Variants in MYH10 observed in about 807,000 individuals in gnomAD.
MYH10 encodes the protein myosin-10.
MYH10 carries 55 observed loss-of-function variants against 257.8 expected under a neutral mutation model. That is an observed-to-expected ratio of 0.21 (90% CI 0.17 to 0.27). The LOEUF is 0.27. MYH10 is among the 10% of genes least tolerant of loss of function. MYH10 has a pLI of 1.00. For missense variants in MYH10, 1,631 were observed against 2,500.6 expected (o/e 0.65, Z 7.42); for synonymous variants, 854 against 921.7 (o/e 0.93, Z 1.33).
chr17:8,586,312 T>C (rs1454163466), intron 4 of MYH10, among the ~76,000 whole-genome samples: 1 of 152,230 alleles, frequency 6.6e-6, no homozygotes, highest in Non-Finnish European at 1.5e-5. Flanking sequence ...TCTGTTAATC[T>C]GTCTATTGTC....
Position 8,627,677 on chromosome 17 carries a change from ATACTGGTG to A in MYH10, c.-32+2969_-32+2976del, listed in dbSNP as rs1393624299. Among the ~76,000 whole-genome samples, 3 of 152,242 alleles carry A rather than the reference ATACTGGTG, an allele frequency of 2.0e-5. No individual in the cohort carries two copies. The East Asian group carries it at 5.8e-4, about 29-fold the overall frequency. ...AATACATTGGTACCCAATCTGGATA[ATACTGGTG>A]TTTAACAGTGTACCACTCACCAGTG... On this transcript the variant is annotated intron_variant, in intron 1 of 42. Coordinates refer to ENST00000360416, the MANE Select transcript of MYH10 (RefSeq NM_001256012.3).
intron 17 of MYH10, among the ~76,000 whole-genome samples, chr17:8,527,522 G>C (rs1296006925): frequency 2.6e-5 from 4 of 152,136 alleles, no homozygotes; most frequent in African/African-American, 9.7e-5. Context: ...CTGGCACCAC[G>C]GCCTATCAGC....
At chr17:8,603,121 G>A (rs2084672678) in intron 3 of MYH10, among the ~76,000 whole-genome samples, 1 of 152,140 alleles carries the variant, frequency 6.6e-6, no homozygotes, top group Admixed American at 6.5e-5. Context: ...TAACTATTAT[G>A]TTAGATTCAA....
At chr17:8,624,427 T>C (rs1053109080) in intron 1 of MYH10, among the ~76,000 whole-genome samples, 4 of 152,202 alleles carry the variant, frequency 2.6e-5, no homozygotes, top group African/African-American at 7.2e-5. Flanking sequence ...ATAAATTTCA[T>C]AGGCATGGCT....
rs1287833443 is a variant in MYH10, at chr17:8,504,688, A to G, written c.3599+6T>C. The stretch of plus-strand genomic sequence containing the variant: ...GCCCGGGCCCTGCTTCCTCTCCCAC[A>G]CTCACCGTAGTTCCTGCTGGGCTGC... On this transcript the variant is annotated splice_donor_region_variant and intron_variant, in intron 28 of 42. Coordinates refer to ENST00000360416, the MANE Select transcript of MYH10 (RefSeq NM_001256012.3). This position sits in a 1 kb window ranked among gnomAD's most constrained non-coding sequence, Gnocchi z 5.6. The G allele has an allele frequency of 1.9e-6, 3 of 1,613,200 alleles. No individual in the cohort carries two copies. The highest frequency in any genetic ancestry group is 2.5e-6 in the Non-Finnish European group (3 of 1,179,768).
At chr17:8,623,705 C>A (rs1410654200) in intron 1 of MYH10, among the ~76,000 whole-genome samples, 1 of 151,964 alleles carries the variant, frequency 6.6e-6, no homozygotes, top group African/African-American at 2.4e-5. Context: ...TACAAAAACA[C>A]ATGATTGTCA....
intron 6 of MYH10, among the ~76,000 whole-genome samples, chr17:8,571,766 T>C (rs912926798): frequency 3.3e-5 from 5 of 151,832 alleles, no homozygotes; most frequent in African/African-American, 1.2e-4. Context: ...CTCCAAAAAA[T>C]AAAAAATAAA....
At position 8,504,629 on chromosome 17, in the gene MYH10, T is replaced by G; in HGVS notation, c.3599+65A>C. ...CCAAAGATAGCAAGCACACCAGGCA[T>G]TTCTGCACGGGCTCGGTGGAGAGGT... On this transcript the variant is annotated intron_variant, in intron 28 of 42. Coordinates refer to ENST00000360416, the MANE Select transcript of MYH10 (RefSeq NM_001256012.3). The surrounding 1 kb of genome is among the most constrained non-coding windows in gnomAD (Gnocchi z 5.6). 1 of 1,438,870 alleles carries G rather than the reference T, an allele frequency of 6.9e-7. No individual in the cohort carries two copies. Among genetic ancestry groups the G allele is most frequent in the Non-Finnish European group, 9.6e-7 (1 of 1,036,962 alleles). 89.1% of individuals were successfully genotyped at this position (1,438,870 alleles called of 1,614,324 possible).
rs766322056 is a variant in MYH10 at position 8,484,285 on chromosome 17, G to T, written c.5047-19C>A. On this transcript the variant is annotated intron_variant, in intron 36 of 42. Transcript: ENST00000360416. The stretch of plus-strand genomic sequence containing the variant: ...TCTGAGCCTAAGATTAAATAAGAAG[G>T]TTTTGGGGTGGTTTACATTCTTAGT... 6.3e-6 allele frequency: 10 copies of T among 1,587,288 alleles called. No homozygotes were observed. The highest frequency in any genetic ancestry group is 1.4e-5 in the African/African-American group (1 of 72,986).
chr17:8,521,552 C>T, intron 17 of MYH10: 1 of 465,850 alleles, frequency 2.1e-6, no homozygotes, highest in Non-Finnish European at 3.9e-6. Context: ...TTCAGGAATT[C>T]ACTGTCTTGG....
intron 37 of MYH10, among the ~76,000 whole-genome samples, chr17:8,482,378 C>T (rs954038742): frequency 5.9e-5 from 9 of 152,206 alleles, no homozygotes; most frequent in Admixed American, 3.3e-4. Flanking sequence ...GCTGAAGGTC[C>T]TCTGACAGGC....
intron 30 of MYH10, among the ~76,000 whole-genome samples, chr17:8,498,779 C>CA (rs111520416): frequency 0.022 from 3,322 of 152,098 alleles, 122 homozygotes; most frequent in African/African-American, 0.075. Context: ...ACCCGGGAGA[C>CA]AGAGGGTGCA....
In MYH10 at chr17:8,480,239, C is replaced by T. The variant is rs772477507; in HGVS notation, c.5468G>A (p.Arg1823Gln). ...KSDNARQQLE[R>Q]QNKELKAKLQ... ...CTTGGCCTTCAGCTCCTTGTTCTGC[C>T]GCTCCAGTTGCTGGCGTGCATTGTC... The change falls in exon 40 of 43, where the codon CGG (arginine) becomes CAG (glutamine). Residue 1823 changes from arginine to glutamine, a missense_variant. Arg to Gln is a conservative substitution (Grantham distance 43, BLOSUM62 1). This residue lies in a region of MYH10 where 343 missense variants were observed against 389.5 expected (regional missense o/e 0.88). Transcript: ENST00000360416. 1.4e-5 allele frequency: 23 copies of T among 1,613,980 alleles called. No individual in the cohort carries two copies. The highest frequency in any genetic ancestry group is 1.5e-5 in the Non-Finnish European group (18 of 1,180,050).
In MYH10 at chr17:8,495,218, G is replaced by A. The variant is rs1290430722; in HGVS notation, c.3975C>T (p.Thr1325=). Residue 1325 remains threonine (T), a synonymous_variant, in exon 31 of 43, where the codon ACC becomes ACT. Transcript: ENST00000360416. ...KLQNELDNVS[T]LLEEAEKKGI... ...CCTTCTTCTCTGCTTCTTCCAGAAG[G>A]GTGGAGACATTATCTAGCTCATTCT... The A allele has an allele frequency of 1.9e-6, 3 of 1,612,034 alleles. No individual in the cohort carries two copies. The highest frequency in any genetic ancestry group is 2.7e-5 in the African/African-American group (2 of 74,820).
chr17:8,618,051 G>A (rs1163689147), intron 2 of MYH10, among the ~76,000 whole-genome samples: 1 of 152,038 alleles, frequency 6.6e-6, no homozygotes, highest in African/African-American at 2.4e-5. Context: ...TGGCTTAATC[G>A]AAAACAACTC....
chr17:8,581,387 A>T lies in MYH10; in HGVS notation c.531-4049T>A, dbSNP rs145889442. ...TTTTAGACTGATGATGACTTGTCTC[A>T]AATATAGTTATGATTGTTACTTTCC... On this transcript the variant is annotated intron_variant, in intron 4 of 42. Coordinates refer to ENST00000360416, the MANE Select transcript of MYH10 (RefSeq NM_001256012.3). Among the ~76,000 whole-genome samples the T allele has an allele frequency of 1.4e-3, 218 of 152,112 alleles. 1 individual carries two copies. The highest frequency in any genetic ancestry group is 4.1e-3 in the African/African-American group (171 of 41,512).
At chr17:8,576,244 T>C (rs2083493410) in intron 6 of MYH10, among the ~76,000 whole-genome samples, 1 of 152,174 alleles carries the variant, frequency 6.6e-6, no homozygotes, top group Admixed American at 6.5e-5. Flanking sequence ...CAGAAATTTG[T>C]TAGCTCTAAA....
chr17:8,608,747 G>A lies in MYH10; in HGVS notation c.346-3765C>T, dbSNP rs147318577. Among the ~76,000 whole-genome samples, 169 of 152,216 alleles carry A rather than the reference G, an allele frequency of 1.1e-3. 3 individuals are homozygous for A. The highest frequency in any genetic ancestry group is 3.9e-3 in the African/African-American group (164 of 41,526). On this transcript the variant is annotated intron_variant, in intron 2 of 42. Coordinates refer to ENST00000360416, the MANE Select transcript of MYH10 (RefSeq NM_001256012.3). ...CCCACTATGCTGCTTTATGCCTCCA[G>A]GCTCCCACCTATGCTGACCACTCTG...
At chr17:8,605,701 C>A (rs998698317) in intron 2 of MYH10, among the ~76,000 whole-genome samples, 2 of 152,156 alleles carry the variant, frequency 1.3e-5, no homozygotes, top group African/African-American at 4.8e-5. Context: ...GCCTAGATCG[C>A]ATCACTGTAC....
Sources: gnomAD v4.1 joint callset for allele counts (sites outside exome capture counted in the v4.1 genomes callset) on GRCh38, gnomAD v4.1.1 for gene constraint, gnomAD v4.1.1 regional missense constraint, Gnocchi (gnomAD v3.1) non-coding constraint, MANE v1.5 for transcripts, NCBI Gene and HGNC (gene_info 2026-07-23, HGNC 2026-07-21) for gene names.